Variants in SHISA9 observed in about 807,000 individuals in gnomAD.
SHISA9 encodes the protein shisa family member 9, also known as protein shisa-9.
A neutral mutation model predicts 38.0 loss-of-function variants in SHISA9; 13 were observed. That is an observed-to-expected ratio of 0.34 (90% CI 0.22 to 0.54). The LOEUF is 0.54. Ranked by LOEUF, SHISA9 falls within the 20% of genes least tolerant of loss-of-function variation. The probability of loss-of-function intolerance (pLI) is 0.91; values close to 1 mark genes in which losing one functional copy is unlikely to be tolerated. For synonymous variants in SHISA9, 275 were observed against 242.0 expected, an observed-to-expected ratio of 1.14 and a Z score of -1.27; for missense variants, 538 against 575.8, an observed-to-expected ratio of 0.93 and a Z score of 0.67.
the SHISA9 span, among the ~76,000 whole-genome samples, chr16:13,384,817 T>C: frequency 6.6e-6 from 1 of 152,214 alleles, no homozygotes; most frequent in African/African-American, 2.4e-5. Flanking sequence ...TATAAAAAGT[T>C]TGAGGGTAAA....
intron 2 of SHISA9, among the ~76,000 whole-genome samples, chr16:13,050,440 C>T (rs955667826): frequency 3.3e-5 from 5 of 152,080 alleles, no homozygotes; most frequent in Admixed American, 3.3e-4. Context: ...CAAGCCATCC[C>T]CCTACCTCAG....
chr16:13,361,370 C>G, the SHISA9 span, among the ~76,000 whole-genome samples: 1 of 152,236 alleles, frequency 6.6e-6, no homozygotes, highest in Non-Finnish European at 1.5e-5. Flanking sequence ...GCATCCTCCT[C>G]TTATCTCCTG....
chr16:12,992,648 A>C (rs1448056537), intron 2 of SHISA9, among the ~76,000 whole-genome samples: 1 of 152,200 alleles, frequency 6.6e-6, no homozygotes, highest in African/African-American at 2.4e-5. Flanking sequence ...CTCAGAGGCC[A>C]GTGTTCTTTC....
At chr16:13,355,439 G>A in the SHISA9 span, among the ~76,000 whole-genome samples, 5 of 151,776 alleles carry the variant, frequency 3.3e-5, no homozygotes, top group East Asian at 1.9e-4. Flanking sequence ...AGAGGAGGAC[G>A]CAAAGGAGGC....
At chr16:13,424,846 C>T in the SHISA9 span, among the ~76,000 whole-genome samples, 1 of 152,198 alleles carries the variant, frequency 6.6e-6, no homozygotes, top group Non-Finnish European at 1.5e-5. Flanking sequence ...TGCTTTAAGG[C>T]TTTGGCCTAT....
At chr16:13,208,325 A>G (rs1596733156) in intron 3 of SHISA9, among the ~76,000 whole-genome samples, 2 of 152,214 alleles carry the variant, frequency 1.3e-5, no homozygotes, top group East Asian at 3.9e-4. Context: ...TCCTGAGGCA[A>G]ATTCTCCCCA....
intron 4 of SHISA9, among the ~76,000 whole-genome samples, chr16:13,230,079 AG>A (rs2051317100): frequency 6.6e-6 from 1 of 152,046 alleles, no homozygotes; most frequent in African/African-American, 2.4e-5. Context: ...GGAGCAAACT[AG>A]GCCCTCAACA....
At chr16:13,499,627 TA>T in the SHISA9 span, among the ~76,000 whole-genome samples, 6 of 152,024 alleles carry the variant, frequency 3.9e-5, no homozygotes, top group East Asian at 1.9e-4. Flanking sequence ...TGTTTTATAA[TA>T]AAAAAACATT....
chr16:12,997,412 T>G (rs946881254), intron 2 of SHISA9, among the ~76,000 whole-genome samples: 1 of 141,358 alleles, frequency 7.1e-6, no homozygotes, highest in Admixed American at 6.9e-5. Flanking sequence ...TTAACCTAGT[T>G]TTTTTTTTTT....
At chr16:13,049,196 G>GTGTT (rs2073222871) in intron 2 of SHISA9, among the ~76,000 whole-genome samples, 3 of 145,676 alleles carry the variant, frequency 2.1e-5, no homozygotes, top group Admixed American at 1.4e-4. Flanking sequence ...GTGTGTGTGT[G>GTGTT]TGTGTGTGTA....
At chr16:13,415,470 A>T in the SHISA9 span, among the ~76,000 whole-genome samples, 1 of 152,178 alleles carries the variant, frequency 6.6e-6, no homozygotes, top group South Asian at 2.1e-4. Context: ...AGATCAGGAA[A>T]AATAAGTAAT....
chr16:12,961,597 G>A (rs1438554331), intron 2 of SHISA9, among the ~76,000 whole-genome samples: 1 of 152,138 alleles, frequency 6.6e-6, no homozygotes, highest in African/African-American at 2.4e-5. Flanking sequence ...CTGAGGAAGA[G>A]AACAGAGTTT....
the SHISA9 span, among the ~76,000 whole-genome samples, chr16:13,495,847 T>C: frequency 6.6e-6 from 1 of 152,042 alleles, no homozygotes; most frequent in Admixed American, 6.5e-5. Context: ...AAACCGATGG[T>C]ATGTAGGACA....
intron 2 of SHISA9, among the ~76,000 whole-genome samples, chr16:12,979,375 C>T (rs1187488238): frequency 6.6e-6 from 1 of 151,614 alleles, no homozygotes; most frequent in African/African-American, 2.4e-5. Flanking sequence ...ATACTCCCAT[C>T]GTTCCATGCA....
intron 1 of SHISA9, chr16:12,902,938 G>A (rs1470746583): frequency 6.2e-6 from 2 of 320,498 alleles, no homozygotes; most frequent in African/African-American, 2.2e-5. Flanking sequence ...CACGTAGCCT[G>A]GGAGCCCGTG....
intron 2 of SHISA9, among the ~76,000 whole-genome samples, chr16:13,172,288 A>G (rs1026238769): frequency 6.6e-6 from 1 of 152,220 alleles, no homozygotes; most frequent in African/African-American, 2.4e-5. Flanking sequence ...TAAGATGCCT[A>G]GGGGATTGGA....
chr16:13,359,147 A>C, the SHISA9 span, among the ~76,000 whole-genome samples: 1 of 150,398 alleles, frequency 6.6e-6, no homozygotes, highest in Non-Finnish European at 1.5e-5. Flanking sequence ...CCTAGTCTGC[A>C]AAACAATAAA....
chr16:13,499,846 C>G, the SHISA9 span, among the ~76,000 whole-genome samples: 2 of 152,162 alleles, frequency 1.3e-5, no homozygotes. Context: ...TGCGCAGGGG[C>G]AGTGCATCTA....
the SHISA9 span, among the ~76,000 whole-genome samples, chr16:13,543,395 C>T: frequency 6.6e-6 from 1 of 152,264 alleles, no homozygotes; most frequent in African/African-American, 2.4e-5. Flanking sequence ...TGAATGACTG[C>T]ATTTAATTCA....
Sources: gnomAD v4.1 joint callset for allele counts (sites outside exome capture counted in the v4.1 genomes callset) on GRCh38, gnomAD v4.1.1 for gene constraint, MANE v1.5 for transcripts, NCBI Gene and HGNC (gene_info 2026-07-23, HGNC 2026-07-21) for gene names.